The following FGF14 variants were observed in gnomAD, a reference collection of about 807,000 sequenced individuals.
The protein encoded by FGF14 is fibroblast growth factor homologous factor 4.
FGF14 carries 5 observed loss-of-function variants against 25.5 expected under a neutral mutation model. That is an observed-to-expected ratio of 0.20 (90% confidence interval 0.10 to 0.41). The LOEUF is 0.41. Among genes scored for constraint, FGF14 ranks in the 10% least tolerant of loss-of-function variants. The probability of loss-of-function intolerance (pLI) is 1.00; values close to 1 mark genes in which losing one functional copy is unlikely to be tolerated. For missense variants in FGF14, 222 were observed against 320.1 expected, an observed-to-expected ratio of 0.69 and a Z score of 2.34; for synonymous variants, 138 against 118.3, an observed-to-expected ratio of 1.17 and a Z score of -1.08.
chr13:102,310,525 T>C (rs1043451641), intron 1 of FGF14, among the ~76,000 whole-genome samples: 1 of 152,100 alleles, frequency 6.6e-6, no homozygotes, highest in Non-Finnish European at 1.5e-5. Flanking sequence ...AGCTTCCATA[T>C]GCATCTTTGT....
chr13:102,352,153 T>C (rs1486231535), intron 1 of FGF14, among the ~76,000 whole-genome samples: 3 of 151,988 alleles, frequency 2.0e-5, no homozygotes, highest in Non-Finnish European at 4.4e-5. Flanking sequence ...TATGGTGTAT[T>C]ACTGAGCCTT....
chr13:102,316,625 T>C (rs1249123611), intron 1 of FGF14, among the ~76,000 whole-genome samples: 1 of 152,178 alleles, frequency 6.6e-6, no homozygotes, highest in African/African-American at 2.4e-5. Context: ...TCTTGAACTA[T>C]CTCTGTATAT....
chr13:102,252,246 G>A (rs1290949145), intron 1 of FGF14, among the ~76,000 whole-genome samples: 2 of 152,172 alleles, frequency 1.3e-5, no homozygotes, highest in African/African-American at 2.4e-5. Flanking sequence ...GGCCACTGAG[G>A]CAAGACCCAG....
At chr13:101,879,329 T>C (rs1037349513) in intron 1 of FGF14, among the ~76,000 whole-genome samples, 1 of 152,122 alleles carries the variant, frequency 6.6e-6, no homozygotes. Context: ...ATAGAAATAA[T>C]GAAAACTAAT....
intron 1 of FGF14, among the ~76,000 whole-genome samples, chr13:102,030,444 G>T (rs538603595): frequency 6.6e-6 from 1 of 152,008 alleles, no homozygotes; most frequent in Admixed American, 6.6e-5. Context: ...TCAGCAGAAA[G>T]AAAGGACAAC....
At chr13:101,862,022 A>C (rs2044443862) in intron 3 of FGF14, among the ~76,000 whole-genome samples, 1 of 152,112 alleles carries the variant, frequency 6.6e-6, no homozygotes, top group African/African-American at 2.4e-5. Context: ...ACTTTTGGGA[A>C]GGGGAAATAG....
chr13:101,839,705 T>C (rs2043106975), intron 3 of FGF14, among the ~76,000 whole-genome samples: 1 of 152,006 alleles, frequency 6.6e-6, no homozygotes, highest in Non-Finnish European at 1.5e-5. Flanking sequence ...GCTCTTTTTG[T>C]TGCTGAAATT....
chr13:102,238,448 G>T (rs2051430778), intron 1 of FGF14, among the ~76,000 whole-genome samples: 1 of 152,168 alleles, frequency 6.6e-6, no homozygotes, highest in Non-Finnish European at 1.5e-5. Context: ...CATTTCATCA[G>T]CATGCTTGAC....
rs1383851332 is a variant in FGF14 at position 101,722,861 on chromosome 13, G to T, written c.714C>A (p.Gly238=). 2 of 1,613,192 alleles carry T rather than the reference G, an allele frequency of 1.2e-6. No homozygotes were observed. The highest frequency in any genetic ancestry group is 3.3e-5 in the Admixed American group (2 of 59,848). ...TTGTCTTACTCTTGTTGACTGGTTT[G>T]CCTCCATTCATTATTGCAGACGCAC... ...STSASAIMNG[G]KPVNKSKTT Residue 238 remains glycine (G), a synonymous_variant, in exon 5 of 5, where the codon GGC becomes GGA. Coordinates refer to ENST00000376143, the MANE Select transcript of FGF14 (RefSeq NM_004115.4).
At chr13:101,847,241 G>A (rs1411186933) in intron 3 of FGF14, among the ~76,000 whole-genome samples, 1 of 152,000 alleles carries the variant, frequency 6.6e-6, no homozygotes, top group Non-Finnish European at 1.5e-5. Context: ...CAAAGAAACT[G>A]TAGTTTTATA....
chr13:102,205,746 A>AC (rs900110135), intron 1 of FGF14, among the ~76,000 whole-genome samples: 9 of 151,390 alleles, frequency 5.9e-5, no homozygotes, highest in African/African-American at 2.2e-4. Context: ...ACAAAAAAAA[A>AC]AAACCTCCAT....
intron 1 of FGF14, among the ~76,000 whole-genome samples, chr13:102,039,831 T>G (rs1164517431): frequency 1.3e-5 from 2 of 152,146 alleles, no homozygotes; most frequent in Non-Finnish European, 2.9e-5. Context: ...TTTTAATCCT[T>G]TGGGTGGCTT....
intron 1 of FGF14, among the ~76,000 whole-genome samples, chr13:102,029,164 T>C (rs2041085222): frequency 6.6e-6 from 1 of 152,090 alleles, no homozygotes; most frequent in African/African-American, 2.4e-5. Flanking sequence ...AATGAGGCTC[T>C]CATGTTGCTT....
intron 1 of FGF14, among the ~76,000 whole-genome samples, chr13:102,259,479 C>T (rs985137894): frequency 3.9e-5 from 6 of 152,094 alleles, no homozygotes; most frequent in African/African-American, 1.4e-4. Context: ...TTCTCCAGTC[C>T]CTGTTAGGAG....
chr13:102,334,710 T>C (rs543900545), intron 1 of FGF14, among the ~76,000 whole-genome samples: 5 of 152,352 alleles, frequency 3.3e-5, no homozygotes, highest in African/African-American at 1.2e-4. Context: ...TGAACTCAAA[T>C]AGAAATAATT....
chr13:102,035,233 G>T (rs1333308303), intron 1 of FGF14, among the ~76,000 whole-genome samples: 2 of 152,012 alleles, frequency 1.3e-5, no homozygotes, highest in African/African-American at 2.4e-5. Context: ...TGAAATCTGG[G>T]GTGAGCATAG....
chr13:102,002,838 C>T (rs1204921015), intron 1 of FGF14: 1 of 152,078 alleles, frequency 6.6e-6, no homozygotes, highest in Non-Finnish European at 1.5e-5. Flanking sequence ...GAATATTCTG[C>T]TTATCATCAA....
chr13:102,004,718 C>T (rs539433355), intron 1 of FGF14, among the ~76,000 whole-genome samples: 28 of 152,280 alleles, frequency 1.8e-4, no homozygotes, highest in African/African-American at 6.7e-4. Context: ...ATAATCCCCA[C>T]AGGTCATGGG....
intron 1 of FGF14, among the ~76,000 whole-genome samples, chr13:102,094,873 A>C (rs2044320566): frequency 6.6e-6 from 1 of 152,090 alleles, no homozygotes. Flanking sequence ...TCAACAATGA[A>C]CACATTGAAG....
Sources: gnomAD v4.1 joint callset for allele counts (sites outside exome capture counted in the v4.1 genomes callset) on GRCh38, gnomAD v4.1.1 for gene constraint, MANE v1.5 for transcripts, NCBI Gene and HGNC (gene_info 2026-07-23, HGNC 2026-07-21) for gene names.